Variants in FMO2 observed in about 807,000 individuals in gnomAD.
FMO2 encodes the protein flavin containing dimethylaniline monoxygenase 2, also known as flavin-containing monooxygenase 2.
A neutral mutation model predicts 41.6 loss-of-function variants in FMO2; 33 were observed. That is an observed-to-expected ratio of 0.79 (90% CI 0.60 to 1.06). The LOEUF (loss-of-function observed/expected upper bound fraction) is 1.06, where lower values mean the gene tolerates loss of function less well. FMO2 is among the 50% of genes least tolerant of loss of function. The pLI, the probability that FMO2 is intolerant of heterozygous loss-of-function variation, is 0.00. For synonymous variants in FMO2, 214 were observed against 219.6 expected (o/e 0.97, Z 0.23); for missense variants, 619 against 632.9 (o/e 0.98, Z 0.23).
At chr1:171,186,619 C>T (rs906848586) in intron 2 of FMO2, among the ~76,000 whole-genome samples, 1 of 152,114 alleles carries the variant, frequency 6.6e-6, no homozygotes, top group African/African-American at 2.4e-5. Flanking sequence ...TAGCTGCCCC[C>T]TTGATTCAAT....
chr1:171,185,613 C>A, intron 1 of FMO2, 95 bp from the exon 2 acceptor site: 3 of 1,243,718 alleles, frequency 2.4e-6, no homozygotes, highest in Non-Finnish European at 3.5e-6. Context: ...ATTACCACTG[C>A]TACAATGTTT....
At position 171,203,821 on chromosome 1, in the gene FMO2, G is replaced by A. The variant is rs371036432; in HGVS notation, c.628-44G>A. On this transcript the variant is annotated intron_variant, in intron 5 of 8. Transcript: ENST00000209929. ...CCTTCATAGTAGATTCCTCCTAAAC[G>A]GGACAATGCCCTAATTTAAACTGCA... 10 of 1,541,846 alleles carry A rather than the reference G, an allele frequency of 6.5e-6. No homozygotes were observed. The Admixed American group carries it at 1.2e-4, about 18-fold the overall frequency.
intron 5 of FMO2, 100 bp downstream of exon 5, chr1:171,199,588 CTAGT>C: frequency 1.9e-5 from 23 of 1,181,676 alleles, no homozygotes; most frequent in Non-Finnish European, 2.6e-5. Context: ...TCCTCATTAA[CTAGT>C]TGGTTGGTAG....
chr1:171,187,475 G>C (rs1375213252), intron 2 of FMO2, among the ~76,000 whole-genome samples: 1 of 151,730 alleles, frequency 6.6e-6, no homozygotes, highest in Admixed American at 6.6e-5. Flanking sequence ...AGGTGTCTCA[G>C]GTACACATGA....
chr1:171,188,679 G>T (rs1350014038), intron 2 of FMO2, among the ~76,000 whole-genome samples: 1 of 152,156 alleles, frequency 6.6e-6, no homozygotes, highest in Non-Finnish European at 1.5e-5. Context: ...CTACCATCCA[G>T]AAGCAATTTT....
chr1:171,189,915 T>C (rs1300245238), intron 2 of FMO2, among the ~76,000 whole-genome samples: 1 of 152,102 alleles, frequency 6.6e-6, no homozygotes. Context: ...ATTCAAGTAA[T>C]GGAGCAGATA....
chr1:171,202,494 C>T (rs754794639), intron 5 of FMO2, among the ~76,000 whole-genome samples: 4 of 152,128 alleles, frequency 2.6e-5, no homozygotes, highest in Non-Finnish European at 4.4e-5. Flanking sequence ...GTATGAAACT[C>T]CTCTCTTCCA....
In FMO2 at chr1:171,199,484, C is replaced by T; in HGVS notation, c.623C>T (p.Ala208Val). 1 of 1,608,286 alleles carries T rather than the reference C, an allele frequency of 6.2e-7. No homozygotes were observed. The highest frequency in any genetic ancestry group is 1.7e-5 in the Admixed American group (1 of 59,276). ...DIAVELSKNA[A>V]QVFISTRHGT... The stretch of plus-strand genomic sequence containing the variant: ...GCTGTTGAGCTGAGTAAGAATGCTG[C>T]TCAGGTGTGATGCTCTCTGCTTACC... The change falls in exon 5 of 9, where the codon GCT becomes GTT. Residue 208 changes from alanine to valine, a missense_variant. Physicochemically the swap from Ala to Val is moderately conservative, Grantham distance 64 (BLOSUM62 0). Transcript: ENST00000209929.
chr1:171,207,499 T>C, intron 7 of FMO2: 1 of 432,226 alleles, frequency 2.3e-6, no homozygotes. Context: ...GCCTCTTCTC[T>C]TGGCCCTCTC....
intron 5 of FMO2, among the ~76,000 whole-genome samples, chr1:171,201,950 G>A (rs758709860): frequency 5.9e-5 from 9 of 152,116 alleles, no homozygotes; most frequent in Admixed American, 3.3e-4. Flanking sequence ...CCCTTGACAC[G>A]TGGGGATTAT....
intron 5 of FMO2, among the ~76,000 whole-genome samples, chr1:171,202,655 G>A (rs1184615580): frequency 6.6e-6 from 1 of 152,108 alleles, no homozygotes; most frequent in Non-Finnish European, 1.5e-5. Context: ...AGAAACTGAG[G>A]CACAGAGAGA....
rs968601012 is a variant in FMO2, at chr1:171,210,446, A to C, written c.*1301A>C. ...AAAGGAAGTATACTGGTCTGTTAGC[A>C]GAGACAAACTTTTTTTAGAATTGAA... is the stretch of plus-strand genomic sequence containing the variant. On this transcript the variant is annotated 3_prime_UTR_variant, in exon 9 of 9. Coordinates refer to ENST00000209929, the MANE Select transcript of FMO2 (RefSeq NM_001460.5). 2 of 152,256 alleles carry C rather than the reference A, an allele frequency of 1.3e-5. No individual in the cohort carries two copies. The highest frequency in any genetic ancestry group is 4.8e-5 in the African/African-American group (2 of 41,474). The allele number at this position is 152,256 out of a possible 1,614,324, so 9.4% of individuals were successfully genotyped here. A position where few individuals can be genotyped will look rare whatever the true frequency, so the allele number is the denominator to read the frequency against.
Position 171,199,367 on chromosome 1 carries a change from A to G in FMO2, c.506A>G (p.Gln169Arg). 1 of 1,609,870 alleles carries G rather than the reference A, an allele frequency of 6.2e-7. No individual in the cohort carries two copies. Among genetic ancestry groups the G allele is most frequent in the Non-Finnish European group, 8.5e-7 (1 of 1,178,150 alleles). ...GAAGGTATGGAGAGGTTCAAAGGCC[A>G]ATATTTCCATAGCCGCCAATACAAG... ...SFPGMERFKG[Q>R]YFHSRQYKHP... Residue 169 changes from glutamine (Q) to arginine (R), a missense_variant, in exon 5 of 9, where the codon CAA (glutamine) becomes CGA (arginine). Coordinates refer to ENST00000209929, the MANE Select transcript of FMO2 (RefSeq NM_001460.5).
chr1:171,187,654 A>AG (rs1657908477), intron 2 of FMO2, among the ~76,000 whole-genome samples: 2 of 132,178 alleles, frequency 1.5e-5, no homozygotes, highest in East Asian at 2.3e-4. Flanking sequence ...AAAAAAAAAA[A>AG]TACTGATTTG....
At position 171,193,457 on chromosome 1, in the gene FMO2, T is replaced by C. The variant is rs1658169100; in HGVS notation, c.255T>C (p.Ser85=). 6.2e-7 allele frequency: 1 copy of C among 1,611,904 alleles called. No homozygotes were observed. Residue 85 remains serine, a synonymous_variant, in exon 3 of 9, where the codon TCT becomes TCC. Transcript: ENST00000209929. The part of the protein sequence containing the change: ...PEDFPNFLHN[S]KLLEYFRIFA... ...ATTTTCCAAACTTCCTGCATAATTC[T>C]AAACTTCTGGAATATTTCAGGATTT...
At chr1:171,189,212 AT>A (rs28369819) in intron 2 of FMO2, among the ~76,000 whole-genome samples, 53,232 of 151,472 alleles carry the variant, frequency 0.35, 10,245 homozygotes, top group East Asian at 0.55. Flanking sequence ...TACCATGTAC[AT>A]TTTTTTTCCT....
chr1:171,199,430 T>A lies in FMO2; in HGVS notation c.569T>A (p.Ile190Asn), dbSNP rs775369349. 6.2e-7 allele frequency: 1 copy of A among 1,612,840 alleles called. No homozygotes were observed. The highest frequency in any genetic ancestry group is 1.1e-5 in the South Asian group (1 of 90,816). Residue 190 changes from isoleucine (I) to asparagine (N), a missense_variant, in exon 5 of 9, where the codon ATT becomes AAT. Ile to Asn is a moderately radical substitution (Grantham distance 149). Coordinates refer to ENST00000209929, the MANE Select transcript of FMO2 (RefSeq NM_001460.5). Reference sequence around the variant, plus strand: ...TTTGAGGGAAAACGCATCCTGGTGATTGGAATGGGAAACTCAGGCTCAGAT... The same window carrying A: ...TTTGAGGGAAAACGCATCCTGGTGAATGGAATGGGAAACTCAGGCTCAGAT... Reference protein sequence around the residue: ...DGFEGKRILVIGMGNSGSDIA... With the variant: ...DGFEGKRILVNGMGNSGSDIA...
rs1265992869 is a variant in FMO2, at chr1:171,196,657, C to G, written c.330C>G (p.Val110=). 12 of 1,609,088 alleles carry G rather than the reference C, an allele frequency of 7.5e-6. No individual in the cohort carries two copies. In the African/African-American group the frequency reaches 1.7e-4, roughly 22 times the overall value. The change falls in exon 4 of 9, where the codon GTC becomes GTG. Residue 110 remains valine (V), a synonymous_variant. Transcript: ENST00000209929. The part of the protein sequence containing the change: ...LLKYIQFQTT[V]LSVRKCPDFS... Reference sequence around the variant, plus strand: ...CTCTGTGTTTCTTCAAGACAACTGTCCTTAGTGTGAGAAAATGTCCAGATT... The same window carrying G: ...CTCTGTGTTTCTTCAAGACAACTGTGCTTAGTGTGAGAAAATGTCCAGATT...
intron 2 of FMO2, among the ~76,000 whole-genome samples, chr1:171,187,593 TAA>T (rs943328642): frequency 7.5e-6 from 1 of 133,306 alleles, no homozygotes; most frequent in Non-Finnish European, 1.6e-5. Flanking sequence ...GAGAGTTTCT[TAA>T]AGATACTGAT....
Sources: allele counts gnomAD v4.1 joint callset (sites outside exome capture counted in the v4.1 genomes callset), GRCh38; gene constraint gnomAD v4.1.1; transcripts MANE v1.5; gene names NCBI Gene and HGNC (gene_info 2026-07-23, HGNC 2026-07-21).